The following LRRC37A2 variants were observed in gnomAD, a reference collection of about 807,000 sequenced individuals.
LRRC37A2 encodes the protein leucine-rich repeat-containing protein 37A2.
A neutral mutation model predicts 68.8 loss-of-function variants in LRRC37A2; 9 were observed. The ratio of observed to expected loss-of-function variants is 0.13; its 90% CI spans 0.08 to 0.23. The LOEUF is 0.23. Ranked by LOEUF, LRRC37A2 falls within the 10% of genes least tolerant of loss-of-function variation. The pLI is 1.00. For missense variants in LRRC37A2, 168 were observed against 950.4 expected, an observed-to-expected ratio of 0.18 and a Z score of 10.82; for synonymous variants, 63 against 367.6, an observed-to-expected ratio of 0.17 and a Z score of 9.48.
At chr17:46,814,444 C>T in the LRRC37A2 span, among the ~76,000 whole-genome samples, 14 of 152,242 alleles carry the variant, frequency 9.2e-5, no homozygotes, top group Non-Finnish European at 1.5e-4. Flanking sequence ...ATAATGGGGG[C>T]GGGGTGAGCG....
chr17:46,774,748 G>A, the LRRC37A2 span, among the ~76,000 whole-genome samples: 1 of 152,156 alleles, frequency 6.6e-6, no homozygotes, highest in Non-Finnish European at 1.5e-5. Context: ...TATGGGGGTG[G>A]GGCAGAAGAG....
the LRRC37A2 span, among the ~76,000 whole-genome samples, chr17:46,813,487 G>A: frequency 2.7e-5 from 4 of 149,592 alleles, no homozygotes; most frequent in African/African-American, 9.9e-5. Context: ...TGGGGGTGGG[G>A]CTAGGCATAC....
chr17:46,841,864 C>G, the LRRC37A2 span, among the ~76,000 whole-genome samples: 1 of 152,276 alleles, frequency 6.6e-6, no homozygotes, highest in Non-Finnish European at 1.5e-5. Flanking sequence ...TAGGCCGACC[C>G]CGCAGGGCCC....
the LRRC37A2 span, among the ~76,000 whole-genome samples, chr17:46,915,189 CAGAT>C: frequency 1.3e-5 from 2 of 152,200 alleles, no homozygotes; most frequent in African/African-American, 4.8e-5. Flanking sequence ...ATTCAGCTGA[CAGAT>C]AGACACAGAG....
At chr17:46,817,352 C>T in the LRRC37A2 span, among the ~76,000 whole-genome samples, 1 of 152,176 alleles carries the variant, frequency 6.6e-6, no homozygotes, top group African/African-American at 2.4e-5. Flanking sequence ...TCACAGATCC[C>T]AAATTCTTCC....
chr17:46,841,503 A>G, the LRRC37A2 span, among the ~76,000 whole-genome samples: 21 of 152,256 alleles, frequency 1.4e-4, no homozygotes, highest in Non-Finnish European at 2.8e-4. Flanking sequence ...CTGGTCCTCA[A>G]GGTCGTGCCA....
the LRRC37A2 span, among the ~76,000 whole-genome samples, chr17:46,379,868 T>G: frequency 2.5e-5 from 1 of 40,470 alleles, no homozygotes; most frequent in Non-Finnish European, 6.1e-5. Context: ...GCAATACTGT[T>G]TTTTTTTTTT....
At chr17:46,558,048 C>G (rs570796730), downstream of LRRC37A2, among the ~76,000 whole-genome samples, 19 of 139,166 alleles carry the variant, frequency 1.4e-4, 3 homozygotes, top group African/African-American at 5.2e-4. Flanking sequence ...CAGGGAAATT[C>G]AGGAGTTTTG....
the LRRC37A2 span, among the ~76,000 whole-genome samples, chr17:46,823,165 ATTATATAT>A: frequency 6.6e-4 from 86 of 131,260 alleles, 2 homozygotes; most frequent in African/African-American, 2.1e-3. Flanking sequence ...TATATTATAT[ATTATATAT>A]TTATATATAA....
chr17:46,773,039 C>T, the LRRC37A2 span, among the ~76,000 whole-genome samples: 1 of 152,184 alleles, frequency 6.6e-6, no homozygotes, highest in Non-Finnish European at 1.5e-5. Flanking sequence ...CTTAGCCTCC[C>T]TCCCAGGGCC....
the LRRC37A2 span, among the ~76,000 whole-genome samples, chr17:46,953,372 T>G: frequency 6.6e-6 from 1 of 152,232 alleles, no homozygotes; most frequent in African/African-American, 2.4e-5. Flanking sequence ...ACAAAGAATA[T>G]GAGCTCATCA....
the LRRC37A2 span, among the ~76,000 whole-genome samples, chr17:46,981,097 A>C: frequency 3.9e-4 from 59 of 152,320 alleles, no homozygotes; most frequent in Non-Finnish European, 2.1e-4. Flanking sequence ...TGTTATTGCA[A>C]TAATGCAGGC....
chr17:46,851,067 AG>A, the LRRC37A2 span, among the ~76,000 whole-genome samples: 4 of 152,184 alleles, frequency 2.6e-5, no homozygotes, highest in East Asian at 7.7e-4. The surrounding 1 kb of genome is among the most constrained non-coding windows in gnomAD (Gnocchi z 4.3). Flanking sequence ...CCCCGCTTCC[AG>A]AGAGCGGTTC....
the LRRC37A2 span, among the ~76,000 whole-genome samples, chr17:46,853,540 T>G: frequency 6.6e-6 from 1 of 151,660 alleles, no homozygotes; most frequent in Non-Finnish European, 1.5e-5. Context: ...CCCAGCTAAT[T>G]TTTGTATTTT....
chr17:46,809,965 C>T, the LRRC37A2 span, among the ~76,000 whole-genome samples: 1 of 151,812 alleles, frequency 6.6e-6, no homozygotes, highest in East Asian at 1.9e-4. Flanking sequence ...ACTGTCTGAG[C>T]AGGGACTAGC....
chr17:46,860,958 A>G, the LRRC37A2 span, among the ~76,000 whole-genome samples: 2 of 152,178 alleles, frequency 1.3e-5, no homozygotes, highest in African/African-American at 4.8e-5. Flanking sequence ...TCCTGACCTC[A>G]AGCAGTCCTC....
At chr17:46,805,155 T>G in the LRRC37A2 span, among the ~76,000 whole-genome samples, 3 of 152,046 alleles carry the variant, frequency 2.0e-5, no homozygotes, top group Non-Finnish European at 4.4e-5. Flanking sequence ...AGACGAACCC[T>G]GGTCCTCAAG....
the LRRC37A2 span, chr17:46,487,186 A>G: frequency 1.6e-6 from 1 of 606,942 alleles, no homozygotes; most frequent in Non-Finnish European, 2.5e-6. Flanking sequence ...AGTAATGATA[A>G]TAATAACTCA....
the LRRC37A2 span, among the ~76,000 whole-genome samples, chr17:46,800,180 G>A: frequency 4.0e-5 from 6 of 151,884 alleles, no homozygotes; most frequent in Non-Finnish European, 7.4e-5. Context: ...GCGCGATCTC[G>A]GCTCACTGCA....
Sources: allele counts gnomAD v4.1 joint callset (sites outside exome capture counted in the v4.1 genomes callset), GRCh38; gene constraint gnomAD v4.1.1; non-coding constraint Gnocchi (gnomAD v3.1); transcripts MANE v1.5; gene names NCBI Gene and HGNC (gene_info 2026-07-23, HGNC 2026-07-21).